The following SYNJ2 variants were observed in gnomAD, a reference collection of about 807,000 sequenced individuals.
SYNJ2 encodes the protein synaptojanin 2.
SYNJ2 carries 116 observed loss-of-function variants against 141.3 expected under a neutral mutation model. The observed-to-expected ratio is 0.82, with a 90% CI of 0.71 to 0.96. The LOEUF (loss-of-function observed/expected upper bound fraction) is 0.96. SYNJ2 is among the 40% of genes least tolerant of loss of function. SYNJ2 has a pLI of 0.00. For synonymous variants in SYNJ2, 745 were observed against 777.7 expected (o/e 0.96, Z 0.70); for missense variants, 1,873 against 1,934.8 (o/e 0.97, Z 0.60).
At chr6:158,062,554 G>A (rs1781289054) in intron 8 of SYNJ2, among the ~76,000 whole-genome samples, 1 of 152,148 alleles carries the variant, frequency 6.6e-6, no homozygotes, top group African/African-American at 2.4e-5. Flanking sequence ...CAGTCGCGGT[G>A]GGATGGCTGG....
rs1781780445 is a variant in SYNJ2, at chr6:158,069,551, G to A, written c.1818G>A (p.Met606Ile). The change falls in exon 14 of 27, where the codon ATG (methionine) becomes ATA (isoleucine). Residue 606 changes from methionine (M) to isoleucine (I), a missense_variant. Met to Ile is a conservative substitution (Grantham distance 10). Transcript: ENST00000355585. ...IVNASTTNKK[M>I]WGEQLQKAIS... ...CTTCCAGTACTACCAACAAGAAGAT[G>A]TGGGGTGAACAGCTTCAGAAAGCCA... The A allele has an allele frequency of 1.2e-6, 2 of 1,613,382 alleles. No homozygotes were observed. The highest frequency in any genetic ancestry group is 2.2e-5 in the East Asian group (1 of 44,882).
intron 6 of SYNJ2, among the ~76,000 whole-genome samples, chr6:158,055,503 A>ATATG (rs1554246294): frequency 1.4e-5 from 2 of 147,866 alleles, no homozygotes; most frequent in Non-Finnish European, 3.0e-5. Flanking sequence ...TTGGCATTTT[A>ATATG]TGTGTGTGTG....
chr6:158,009,819 A>G (rs1722258301), intron 1 of SYNJ2, among the ~76,000 whole-genome samples: 1 of 152,218 alleles, frequency 6.6e-6, no homozygotes, highest in Non-Finnish European at 1.5e-5. Flanking sequence ...TCTCCTGGAA[A>G]CACTGCAGCC....
intron 3 of SYNJ2, chr6:158,029,277 G>A: frequency 2.5e-6 from 1 of 401,386 alleles, no homozygotes; most frequent in South Asian, 3.9e-5. Context: ...CGCCAGGCAT[G>A]GTGCCTCATG....
In SYNJ2 at chr6:158,071,485, A is replaced by T. The variant is rs2128375268; in HGVS notation, c.1941-117A>T. 8.2e-7 allele frequency: 1 copy of T among 1,223,080 alleles called. No homozygotes were observed. 75.8% of individuals were successfully genotyped at this position (1,223,080 alleles called of 1,614,324 possible). On this transcript the variant is annotated intron_variant, in intron 14 of 26. Transcript: ENST00000355585. The surrounding 1 kb of genome is among the most constrained non-coding windows in gnomAD (Gnocchi z 4.3). ...CGGTGGCCACTGTGTTGAGCTGATG[A>T]TTTTGGAGCACTCAGAGCAGCAGGT...
chr6:158,075,309 C>G (rs192740605), intron 16 of SYNJ2, among the ~76,000 whole-genome samples: 32 of 151,706 alleles, frequency 2.1e-4, no homozygotes, highest in Admixed American at 2.1e-3. Flanking sequence ...GAGGGGAGTA[C>G]ATTTAAATTC....
chr6:158,018,380 C>T (rs1583325790), intron 2 of SYNJ2, among the ~76,000 whole-genome samples: 1 of 152,310 alleles, frequency 6.6e-6, no homozygotes, highest in East Asian at 1.9e-4. Context: ...AGTCGCATTC[C>T]TGATTCTCAG....
intron 26 of SYNJ2, 125 bp downstream of exon 26, chr6:158,093,229 T>C (rs1783582538): frequency 5.7e-6 from 6 of 1,053,222 alleles, no homozygotes; most frequent in Non-Finnish European, 8.2e-6. Context: ...AGGTCAGGAG[T>C]TCAAGACCAG....
chr6:158,070,915 T>G lies in SYNJ2; in HGVS notation c.1941-687T>G, dbSNP rs1406896734. Among the ~76,000 whole-genome samples, 6 of 152,174 alleles carry G rather than the reference T, an allele frequency of 3.9e-5. No homozygotes were observed. Among genetic ancestry groups the G allele is most frequent in the African/African-American group, 7.2e-5 (3 of 41,436 alleles). ...AGTGCATTGATTGCTGGGCACGGTG[T>G]CTCACGCCTGTAATCCCAGCACTTT... On this transcript the variant is annotated intron_variant, in intron 14 of 26. Transcript: ENST00000355585. This position sits in a 1 kb window ranked among gnomAD's most constrained non-coding sequence, Gnocchi z 4.0.
rs369254348 is a variant in SYNJ2 at position 158,081,178 on chromosome 6, G to A, written c.2637G>A (p.Gln879=). Residue 879 remains glutamine, a synonymous_variant, in exon 19 of 27, where the codon CAG becomes CAA. Transcript: ENST00000355585. ...VDVGARERVF[Q]EVSSFQGPLD... ...TGGGTGCTCGGGAGAGGGTTTTCCA[G>A]GAAGTGTCCTCCTTCCAGGGCCCCC... The A allele has an allele frequency of 1.2e-6, 2 of 1,614,172 alleles. No individual in the cohort carries two copies. Among genetic ancestry groups the A allele is most frequent in the East Asian group, 4.5e-5 (2 of 44,888 alleles).
At chr6:158,062,324 C>A in intron 8 of SYNJ2, 160 bp downstream of exon 8, 1 of 816,856 alleles carries the variant, frequency 1.2e-6, no homozygotes, top group Non-Finnish European at 1.5e-6. Flanking sequence ...TCCCTCCCCA[C>A]TCAGTTACCC....
chr6:158,090,509 G>T, intron 25 of SYNJ2, among the ~76,000 whole-genome samples: 1 of 151,538 alleles, frequency 6.6e-6, no homozygotes, highest in African/African-American at 2.4e-5. Flanking sequence ...CTCCTAGAGA[G>T]GAGAGTGTGC....
intron 6 of SYNJ2, among the ~76,000 whole-genome samples, chr6:158,056,368 A>G (rs1477136595): frequency 6.6e-6 from 1 of 152,146 alleles, no homozygotes; most frequent in African/African-American, 2.4e-5. Context: ...CTAGGGGTAC[A>G]CTTAGATCTC....
Position 157,999,473 on chromosome 6 carries a change from G to A in SYNJ2, c.127+17385G>A, listed in dbSNP as rs574619281. On this transcript the variant is annotated intron_variant, in intron 1 of 26. Transcript: ENST00000355585. ...TACAGGCTCTGAGCCAGCCCTATGG[G>A]CTTCCAGACAAGCCCAGATTGAGCC... Among the ~76,000 whole-genome samples, 8 of 152,378 alleles carry A rather than the reference G, an allele frequency of 5.3e-5. No individual in the cohort carries two copies. The South Asian group carries it at 1.4e-3, about 28-fold the overall frequency.
At position 157,987,471 on chromosome 6, in the gene SYNJ2, G is replaced by A. The variant is rs540796073; in HGVS notation, c.127+5383G>A. Reference sequence around the variant, plus strand: ...GCTGGAGTGCAGTGGCACCGATCTCGGCTCACTGTAACCTCCGCCTCCCAG... The same window carrying A: ...GCTGGAGTGCAGTGGCACCGATCTCAGCTCACTGTAACCTCCGCCTCCCAG... On this transcript the variant is annotated intron_variant, in intron 1 of 26. Coordinates refer to ENST00000355585, the MANE Select transcript of SYNJ2 (RefSeq NM_003898.4). Among the ~76,000 whole-genome samples, 140 of 152,062 alleles carry A rather than the reference G, an allele frequency of 9.2e-4. 1 individual carries two copies. The highest frequency in any genetic ancestry group is 3.2e-3 in the African/African-American group (132 of 41,460).
chr6:158,096,454 C>G lies in SYNJ2; in HGVS notation c.*90C>G. Reference sequence around the variant, plus strand: ...ACCAGAAGAGACATCTATTTAAAGGCACACTGGCCAAAACGTTTGTGCATC... The same window carrying G: ...ACCAGAAGAGACATCTATTTAAAGGGACACTGGCCAAAACGTTTGTGCATC... On this transcript the variant is annotated 3_prime_UTR_variant, in exon 27 of 27. Transcript: ENST00000355585. The G allele has an allele frequency of 7.0e-7, 1 of 1,427,810 alleles. No homozygotes were observed. The highest frequency in any genetic ancestry group is 9.3e-7 in the Non-Finnish European group (1 of 1,073,512). 88.4% of individuals were successfully genotyped at this position (1,427,810 alleles called of 1,614,324 possible).
At position 158,055,030 on chromosome 6, in the gene SYNJ2, T is replaced by G; in HGVS notation, c.857+2T>G. The G allele has an allele frequency of 1.2e-6, 2 of 1,613,710 alleles. No homozygotes were observed. The highest frequency in any genetic ancestry group is 1.7e-6 in the Non-Finnish European group (2 of 1,179,968). Reference sequence around the variant, plus strand: ...AGCCAATGCCCCTGCTTTCGACAGGTAGGGATTGTCTGACACCATCCAAGC... The same window carrying G: ...AGCCAATGCCCCTGCTTTCGACAGGGAGGGATTGTCTGACACCATCCAAGC... On this transcript the variant is annotated splice_donor_variant, in intron 6 of 26. Coordinates refer to ENST00000355585, the MANE Select transcript of SYNJ2 (RefSeq NM_003898.4). LOFTEE classifies it high-confidence loss of function.
chr6:158,000,755 T>A (rs921256059), intron 1 of SYNJ2, among the ~76,000 whole-genome samples: 1 of 151,972 alleles, frequency 6.6e-6, no homozygotes, highest in African/African-American at 2.4e-5. Flanking sequence ...CTTTGAACAC[T>A]TCCCTTACAG....
intron 7 of SYNJ2, 86 bp downstream of exon 7, chr6:158,059,439 G>T: frequency 1.3e-6 from 2 of 1,523,544 alleles, no homozygotes; most frequent in East Asian, 2.5e-5. Flanking sequence ...CTCCTGCAGG[G>T]ACTGGAGCTG....
Sources: allele counts gnomAD v4.1 joint callset (sites outside exome capture counted in the v4.1 genomes callset), GRCh38; gene constraint gnomAD v4.1.1; non-coding constraint Gnocchi (gnomAD v3.1); transcripts MANE v1.5; gene names NCBI Gene and HGNC (gene_info 2026-07-23, HGNC 2026-07-21).